SNAP25: variants seen among roughly 807,000 people sequenced by gnomAD.
SNAP25 encodes synaptosomal-associated protein 25.
In SNAP25, 3 loss-of-function variants were observed where a neutral mutation model predicts 28.7. That is an observed-to-expected ratio of 0.10 (90% CI 0.05 to 0.27). The LOEUF is 0.27. SNAP25 is among the 10% of genes least tolerant of loss of function. The pLI is 1.00. For synonymous variants in SNAP25, 61 were observed against 88.1 expected (o/e 0.69, Z 1.72); for missense variants, 117 against 278.7 (o/e 0.42, Z 4.13).
intron 6 of SNAP25, among the ~76,000 whole-genome samples, chr20:10,298,664 A>T (rs191296431): frequency 6.6e-6 from 1 of 152,306 alleles, no homozygotes; most frequent in East Asian, 1.9e-4. Context: ...AGTAAATAAA[A>T]ATCATCTTGA....
chr20:10,302,382 C>G (rs186454982), intron 7 of SNAP25, among the ~76,000 whole-genome samples: 35 of 152,306 alleles, frequency 2.3e-4, no homozygotes, highest in Non-Finnish European at 3.7e-4. Context: ...TGAGTTCTAA[C>G]AGGGTTTTGC....
intron 1 of SNAP25, among the ~76,000 whole-genome samples, chr20:10,244,339 A>G (rs2063089861): frequency 6.6e-6 from 1 of 152,202 alleles, no homozygotes; most frequent in Non-Finnish European, 1.5e-5. Flanking sequence ...AACTAAATCC[A>G]CCAGGTTTAT....
At chr20:10,240,093 G>A (rs2062998002) in intron 1 of SNAP25, among the ~76,000 whole-genome samples, 1 of 152,158 alleles carries the variant, frequency 6.6e-6, no homozygotes, top group African/African-American at 2.4e-5. Context: ...ATTTTCATCT[G>A]CAGCTTTCTC....
chr20:10,276,679 A>C (rs542577534), intron 2 of SNAP25, among the ~76,000 whole-genome samples: 1 of 152,384 alleles, frequency 6.6e-6, no homozygotes, highest in Non-Finnish European at 1.5e-5. Context: ...GTAGACACAA[A>C]AGTTCAGCAA....
intron 1 of SNAP25, among the ~76,000 whole-genome samples, chr20:10,222,387 A>C (rs2062650431): frequency 6.6e-6 from 1 of 152,224 alleles, no homozygotes; most frequent in Admixed American, 6.5e-5. Context: ...AGGCCTTGAG[A>C]TGGCTTTTGG....
intron 6 of SNAP25, 124 bp downstream of exon 6, chr20:10,297,174 T>C: frequency 8.0e-7 from 1 of 1,248,666 alleles, no homozygotes; most frequent in Non-Finnish European, 1.0e-6. Context: ...CTGCTAAGTG[T>C]TCTTTTCTAA....
chr20:10,252,774 T>A (rs1355975898), intron 1 of SNAP25, among the ~76,000 whole-genome samples: 2 of 151,202 alleles, frequency 1.3e-5, no homozygotes, highest in African/African-American at 4.9e-5. Context: ...TTTTTTTTTT[T>A]AGCTTTCAAG....
At chr20:10,290,159 A>T (rs573428044) in intron 4 of SNAP25, among the ~76,000 whole-genome samples, 28 of 152,320 alleles carry the variant, frequency 1.8e-4, no homozygotes, top group South Asian at 8.3e-4. Context: ...CCTGAGAAGC[A>T]TCTTCACAGA....
intron 1 of SNAP25, among the ~76,000 whole-genome samples, chr20:10,234,505 C>T (rs983883795): frequency 6.6e-5 from 10 of 152,192 alleles, no homozygotes; most frequent in African/African-American, 1.7e-4. Context: ...TCCAATTTGC[C>T]GCAAAGCCTA....
chr20:10,306,978 TA>T lies in SNAP25; in HGVS notation c.*787del, dbSNP rs897192214. On this transcript the variant is annotated 3_prime_UTR_variant, in exon 8 of 8. Transcript: ENST00000254976. ...CATCCTTTTTTAAAAAAAAGAATTT[TA>T]AAAAAGATGGATTTGACACACTCAC... is the stretch of plus-strand genomic sequence containing the variant. The T allele has an allele frequency of 2.0e-5, 3 of 152,694 alleles. No individual in the cohort carries two copies. Among genetic ancestry groups the T allele is most frequent in the African/African-American group, 7.2e-5 (3 of 41,438 alleles). 9.5% of individuals were successfully genotyped at this position (152,694 alleles called of 1,614,324 possible).
At chr20:10,236,092 C>T (rs1407714839) in intron 1 of SNAP25, among the ~76,000 whole-genome samples, 7 of 152,210 alleles carry the variant, frequency 4.6e-5, no homozygotes, top group African/African-American at 1.4e-4. Context: ...AGAGCCCCAC[C>T]TCTGCCATAG....
intron 1 of SNAP25, among the ~76,000 whole-genome samples, chr20:10,227,949 A>G (rs1021909191): frequency 3.9e-5 from 6 of 152,050 alleles, no homozygotes; most frequent in African/African-American, 1.2e-4. Flanking sequence ...TTTCATGTCA[A>G]TTCCGCTTCC....
At chr20:10,268,948 CT>C (rs2063549075) in intron 1 of SNAP25, among the ~76,000 whole-genome samples, 1 of 152,084 alleles carries the variant, frequency 6.6e-6, no homozygotes, top group Non-Finnish European at 1.5e-5. Context: ...TTGTCCACAA[CT>C]GGTTGCAGAA....
chr20:10,234,612 A>T (rs1758910407), intron 1 of SNAP25, among the ~76,000 whole-genome samples: 1 of 152,166 alleles, frequency 6.6e-6, no homozygotes, highest in South Asian at 2.1e-4. Context: ...GCAATTTGTC[A>T]TGGTTTTATG....
intron 1 of SNAP25, among the ~76,000 whole-genome samples, chr20:10,224,282 T>TTTTTTTTTTTTTG (rs2062693568): frequency 7.5e-6 from 1 of 132,680 alleles, no homozygotes. Flanking sequence ...TTTTTTTTTT[T>TTTTTTTTTTTTTG]TTTTTTTTTT....
intron 6 of SNAP25, among the ~76,000 whole-genome samples, chr20:10,298,106 G>GA (rs2064154232): frequency 6.6e-6 from 1 of 151,962 alleles, no homozygotes; most frequent in African/African-American, 2.4e-5. Flanking sequence ...CACCAGGGGA[G>GA]ACTTTTTTTT....
At chr20:10,303,588 G>T (rs921799597) in intron 7 of SNAP25, among the ~76,000 whole-genome samples, 1 of 152,166 alleles carries the variant, frequency 6.6e-6, no homozygotes, top group Non-Finnish European at 1.5e-5. Flanking sequence ...GAGTGATACT[G>T]GTTGAGAGAA....
intron 7 of SNAP25, among the ~76,000 whole-genome samples, chr20:10,305,333 G>C (rs2064329199): frequency 6.6e-6 from 1 of 152,140 alleles, no homozygotes; most frequent in Admixed American, 6.5e-5. Context: ...CTTGAGCCCA[G>C]GAGTTTGAGA....
At chr20:10,226,412 A>G (rs540543226) in intron 1 of SNAP25, among the ~76,000 whole-genome samples, 3 of 152,254 alleles carry the variant, frequency 2.0e-5, no homozygotes, top group Admixed American at 2.0e-4. Context: ...AGCTGCTATT[A>G]TGGCATTCTT....
Sources: gnomAD v4.1 joint callset for allele counts (sites outside exome capture counted in the v4.1 genomes callset) on GRCh38, gnomAD v4.1.1 for gene constraint, MANE v1.5 for transcripts, NCBI Gene and HGNC (gene_info 2026-07-23, HGNC 2026-07-21) for gene names.